Variants in TENM3 observed in about 807,000 individuals in gnomAD.
The protein encoded by TENM3 is teneurin transmembrane protein 3.
A neutral mutation model predicts 255.1 loss-of-function variants in TENM3; 63 were observed. That is an observed-to-expected ratio of 0.25 (90% CI 0.20 to 0.30). The LOEUF is 0.30. TENM3 is among the 10% of genes least tolerant of loss of function. TENM3 has a pLI of 1.00. For missense variants in TENM3, 2,929 were observed against 3,461.1 expected, an observed-to-expected ratio of 0.85 and a Z score of 3.86; for synonymous variants, 1,306 against 1,322.3, an observed-to-expected ratio of 0.99 and a Z score of 0.27.
At chr4:181,987,768 TTATATA>T in the TENM3 span, among the ~76,000 whole-genome samples, 1 of 151,708 alleles carries the variant, frequency 6.6e-6, no homozygotes, top group Admixed American at 6.6e-5. Flanking sequence ...TGAACAAAAA[TTATATA>T]TACATATAGA....
chr4:182,093,305 T>C, the TENM3 span, among the ~76,000 whole-genome samples: 1 of 152,182 alleles, frequency 6.6e-6, no homozygotes, highest in African/African-American at 2.4e-5. Flanking sequence ...GGAAGTTTAT[T>C]CAAAGCTCTT....
At chr4:182,299,837 A>G (rs1761741320) in intron 1 of TENM3, among the ~76,000 whole-genome samples, 1 of 151,986 alleles carries the variant, frequency 6.6e-6, no homozygotes, top group Non-Finnish European at 1.5e-5. Context: ...TGTGCCTTCC[A>G]TTACAGCACG....
chr4:181,581,356 A>G, the TENM3 span, among the ~76,000 whole-genome samples: 1 of 152,004 alleles, frequency 6.6e-6, no homozygotes, highest in African/African-American at 2.4e-5. Flanking sequence ...CAGAAGAATC[A>G]CTTGAACCTG....
chr4:182,302,664 C>G lies in TENM3; in HGVS notation c.-75-21282C>G, dbSNP rs528084597. On this transcript the variant is annotated intron_variant, in intron 1 of 27. Transcript: ENST00000511685. ...GCTTTGGAAAACAATATTTAAGGAGCGTGTGATAAATTTGTTCTATCTAAT... is the reference window on the plus strand; with the variant it reads ...GCTTTGGAAAACAATATTTAAGGAGGGTGTGATAAATTTGTTCTATCTAAT... Among the ~76,000 whole-genome samples the G allele has an allele frequency of 4.5e-4, 69 of 152,048 alleles. No individual in the cohort carries two copies. In the South Asian group the frequency reaches 0.014, roughly 32 times the overall value.
chr4:182,314,471 TA>T (rs1425050628), intron 1 of TENM3, among the ~76,000 whole-genome samples: 2 of 152,244 alleles, frequency 1.3e-5, no homozygotes, highest in Admixed American at 1.3e-4. Context: ...TGTCTATACA[TA>T]CAGATCAGCT....
the TENM3 span, among the ~76,000 whole-genome samples, chr4:181,714,904 AAG>A: frequency 6.6e-6 from 1 of 152,222 alleles, no homozygotes; most frequent in Non-Finnish European, 1.5e-5. Context: ...AAAATCTACA[AAG>A]AGATAAATTT....
the TENM3 span, among the ~76,000 whole-genome samples, chr4:181,556,434 A>G: frequency 1.3e-5 from 2 of 152,156 alleles, no homozygotes; most frequent in African/African-American, 4.8e-5. Flanking sequence ...CTTGACAATA[A>G]TTTATAAACT....
the TENM3 span, among the ~76,000 whole-genome samples, chr4:182,056,188 T>C: frequency 6.6e-6 from 1 of 152,154 alleles, no homozygotes; most frequent in Non-Finnish European, 1.5e-5. Flanking sequence ...AAGCTCTGCA[T>C]GCTCAACCGT....
At chr4:181,927,406 G>C in the TENM3 span, among the ~76,000 whole-genome samples, 1 of 152,240 alleles carries the variant, frequency 6.6e-6, no homozygotes, top group South Asian at 2.1e-4. Context: ...AAAGCCGCCA[G>C]GGAGTTCAAA....
At chr4:181,952,004 T>C in the TENM3 span, among the ~76,000 whole-genome samples, 1 of 152,236 alleles carries the variant, frequency 6.6e-6, no homozygotes, top group African/African-American at 2.4e-5. Context: ...TCTGAAGTAT[T>C]GCTGTATTAT....
chr4:181,915,656 AG>A, the TENM3 span, among the ~76,000 whole-genome samples: 1 of 124,128 alleles, frequency 8.1e-6, no homozygotes, highest in African/African-American at 3.0e-5. Context: ...GGAGAAGCAG[AG>A]AGGGGAGGGG....
At position 182,725,058 on chromosome 4, in the gene TENM3, G is replaced by GTT. The variant is rs34100362; in HGVS notation, c.2369-3896_2369-3895dup. 4.1e-3 allele frequency among the ~76,000 whole-genome samples: 601 copies of GTT among 145,388 alleles called. 3 individuals are homozygous for GTT. The highest frequency in any genetic ancestry group is 0.014 in the African/African-American group (556 of 39,830). On this transcript the variant is annotated intron_variant, in intron 13 of 27. Transcript: ENST00000511685. Reference sequence around the variant, plus strand: ...TTTTTTGGTTTGTTTGTTGTTTTGGGTTTTTTTTTTTTGAAACAGGGCCTC... The same window carrying GTT: ...TTTTTTGGTTTGTTTGTTGTTTTGGGTTTTTTTTTTTTTTGAAACAGGGCCTC...
chr4:182,762,695 G>A (rs1763303727), intron 22 of TENM3, among the ~76,000 whole-genome samples: 1 of 152,162 alleles, frequency 6.6e-6, no homozygotes, highest in Non-Finnish European at 1.5e-5. Flanking sequence ...ATCCTAGAGT[G>A]GTGTCAGAAT....
chr4:182,398,846 C>T (rs183196824), intron 3 of TENM3, among the ~76,000 whole-genome samples: 54 of 152,240 alleles, frequency 3.5e-4, no homozygotes, highest in African/African-American at 9.6e-4. Context: ...TTGGGTTCTA[C>T]GCGAATAAGT....
At chr4:182,139,545 A>T (rs1478622435), upstream of TENM3, among the ~76,000 whole-genome samples, 6 of 152,354 alleles carry the variant, frequency 3.9e-5, no homozygotes, top group East Asian at 9.6e-4. Flanking sequence ...TACACTATAT[A>T]CGCTTCTCAC....
chr4:181,558,887 G>C, the TENM3 span, among the ~76,000 whole-genome samples: 1 of 152,162 alleles, frequency 6.6e-6, no homozygotes, highest in African/African-American at 2.4e-5. Context: ...CTTAATATTT[G>C]ATCATTTCAA....
chr4:181,534,465 T>C, the TENM3 span, among the ~76,000 whole-genome samples: 32,568 of 122,716 alleles, frequency 0.27, 3,656 homozygotes, highest in East Asian at 0.38. Flanking sequence ...CCCTGAGGTC[T>C]TCCCCCCCCC....
the TENM3 span, among the ~76,000 whole-genome samples, chr4:181,644,940 G>T: frequency 6.6e-6 from 1 of 151,978 alleles, no homozygotes; most frequent in Admixed American, 6.6e-5. Flanking sequence ...AGGAGGAGAG[G>T]CTGGTAAGAC....
chr4:182,526,732 C>T (rs1739227430), intron 3 of TENM3, among the ~76,000 whole-genome samples: 1 of 152,174 alleles, frequency 6.6e-6, no homozygotes, highest in Non-Finnish European at 1.5e-5. Flanking sequence ...TCAATAGCTG[C>T]TCATTTCTCT....
Sources: gnomAD v4.1 joint callset for allele counts (sites outside exome capture counted in the v4.1 genomes callset) on GRCh38, gnomAD v4.1.1 for gene constraint, MANE v1.5 for transcripts, NCBI Gene and HGNC (gene_info 2026-07-23, HGNC 2026-07-21) for gene names.